USP17L1: variants seen among roughly 807,000 people sequenced by gnomAD.
The protein encoded by USP17L1 is ubiquitin carboxyl-terminal hydrolase 17-like protein 1.
In USP17L1, 42 loss-of-function variants were observed where a neutral mutation model predicts 31.4. The observed-to-expected ratio is 1.34, with a 90% CI of 1.05 to 1.73. The LOEUF is 1.73. Ranked by LOEUF, USP17L1 falls within the 40% of genes most tolerant of loss-of-function variation. The pLI is 0.00. For synonymous variants in USP17L1, 230 were observed against 194.4 expected, an observed-to-expected ratio of 1.18 and a Z score of -1.52; for missense variants, 576 against 495.8, an observed-to-expected ratio of 1.16 and a Z score of -1.54.
Position 7,333,635 on chromosome 8 carries a change from G to T in USP17L1, c.1249G>T (p.Ala417Ser), listed in dbSNP as rs762334105. The change falls in exon 1 of 1, where the codon GCA (alanine) becomes TCA (serine). Residue 417 changes from alanine to serine, a missense_variant. Transcript: ENST00000529559. ...ELKRDHPCLQ[A>S]PELDEHLVER... ...CAAGAGAGACCACCCCTGCCTCCAG[G>T]CACCCGAGTTGGACGAGCACTTGGT... 6.8e-7 allele frequency: 1 copy of T among 1,460,250 alleles called. No homozygotes were observed. The highest frequency in any genetic ancestry group is 1.7e-5 in the Admixed American group (1 of 58,226). 90.5% of individuals were successfully genotyped at this position (1,460,250 alleles called of 1,614,324 possible).
rs1187347024 is a variant in USP17L1, at chr8:7,333,853, C to A, written c.1467C>A (p.Leu489=). 2.0e-6 allele frequency: 3 copies of A among 1,463,616 alleles called. No homozygotes were observed. Among genetic ancestry groups the A allele is most frequent in the Non-Finnish European group, 2.8e-6 (3 of 1,077,584 alleles). 90.7% of individuals were successfully genotyped at this position (1,463,616 alleles called of 1,614,324 possible). The change falls in exon 1 of 1, where the codon CTC becomes CTA. Residue 489 remains leucine, a synonymous_variant. Coordinates refer to ENST00000529559, the MANE Select transcript of USP17L1 (RefSeq NM_001256873.1). The part of the protein sequence containing the change: ...HPEQQSSLLN[L]SSTTRTDQES... ...AACAGCAAAGCTCCCTGCTAAACCT[C>A]TCTTCGACGACCCGGACAGATCAGG...
chr8:7,332,607 G>A lies in USP17L1; in HGVS notation c.221G>A (p.Arg74Lys). Residue 74 changes from arginine (R) to lysine (K), a missense_variant, in exon 1 of 1, where the codon AGA (arginine) becomes AAA (lysine). By Grantham distance (26) the Arg-to-Lys change is conservative. Transcript: ENST00000529559. ...GAGAAGCTTCCTCTGAGTAGCAGGAGACCTGCTGCGGTGGGGGCTGGGCTC... is the reference window on the plus strand; with the variant it reads ...GAGAAGCTTCCTCTGAGTAGCAGGAAACCTGCTGCGGTGGGGGCTGGGCTC... ...PREKLPLSSR[R>K]PAAVGAGLQN... 2 of 488,774 alleles carry A rather than the reference G, an allele frequency of 4.1e-6. No individual in the cohort carries two copies. The highest frequency in any genetic ancestry group is 6.8e-6 in the Non-Finnish European group (2 of 293,788). 30.3% of individuals were successfully genotyped at this position (488,774 alleles called of 1,614,324 possible). A position where few individuals can be genotyped will look rare whatever the true frequency, so the allele number is the denominator to read the frequency against.
At position 7,333,866 on chromosome 8, in the gene USP17L1, C is replaced by A. The variant is rs758104808; in HGVS notation, c.1480C>A (p.Arg494=). 4.8e-6 allele frequency: 7 copies of A among 1,473,660 alleles called. No individual in the cohort carries two copies. Among genetic ancestry groups the A allele is most frequent in the South Asian group, 1.2e-5 (1 of 86,612 alleles). The allele number at this position is 1,473,660 out of a possible 1,614,324, so 91.3% of individuals were successfully genotyped here. A position where few individuals can be genotyped will look rare whatever the true frequency, so the allele number is the denominator to read the frequency against. The change falls in exon 1 of 1, where the codon CGG becomes AGG. Residue 494 remains arginine (R), a synonymous_variant. Transcript: ENST00000529559. ...CCTGCTAAACCTCTCTTCGACGACC[C>A]GGACAGATCAGGAGTCCATGAACAC... The part of the protein sequence containing the change: ...SSLLNLSSTT[R]TDQESMNTGT...
At position 7,333,816 on chromosome 8, in the gene USP17L1, A is replaced by G. The variant is rs1412112916; in HGVS notation, c.1430A>G (p.Asn477Ser). 5.5e-6 allele frequency: 8 copies of G among 1,453,170 alleles called. No individual in the cohort carries two copies. Among genetic ancestry groups the G allele is most frequent in the Admixed American group, 1.8e-5 (1 of 55,972 alleles). The allele number at this position is 1,453,170 out of a possible 1,614,324, so 90.0% of individuals were successfully genotyped here. A position where few individuals can be genotyped will look rare whatever the true frequency, so the allele number is the denominator to read the frequency against. Residue 477 changes from asparagine (N) to serine (S), a missense_variant, in exon 1 of 1, where the codon AAC becomes AGC. Coordinates refer to ENST00000529559, the MANE Select transcript of USP17L1 (RefSeq NM_001256873.1). ...HQSKYKCGMKNHHPEQQSSLL... is the reference protein window; with the variant it reads ...HQSKYKCGMKSHHPEQQSSLL... ...TCAAAATACAAGTGTGGGATGAAAAACCATCATCCTGAACAGCAAAGCTCC... is the reference window on the plus strand; with the variant it reads ...TCAAAATACAAGTGTGGGATGAAAAGCCATCATCCTGAACAGCAAAGCTCC...
rs1804204197 is a variant in USP17L1 at position 7,333,622 on chromosome 8, C to A, written c.1236C>A (p.His412Gln). The change falls in exon 1 of 1, where the codon CAC becomes CAA. Residue 412 changes from histidine (H) to glutamine (Q), a missense_variant. Physicochemically the swap from His to Gln is conservative, Grantham distance 24. Transcript: ENST00000529559. ...RAKQGELKRD[H>Q]PCLQAPELDE... is the part of the protein sequence containing the mutation. ...AGCAAGGAGAGCTCAAGAGAGACCA[C>A]CCCTGCCTCCAGGCACCCGAGTTGG... The A allele has an allele frequency of 6.9e-7, 1 of 1,454,728 alleles. No individual in the cohort carries two copies. The highest frequency in any genetic ancestry group is 1.2e-5 in the South Asian group (1 of 86,854). The allele number at this position is 1,454,728 out of a possible 1,614,324, so 90.1% of individuals were successfully genotyped here. A position where few individuals can be genotyped will look rare whatever the true frequency, so the allele number is the denominator to read the frequency against.
At position 7,332,829 on chromosome 8, in the gene USP17L1, C is replaced by T. The variant is rs1330491752; in HGVS notation, c.443C>T (p.Ala148Val). Reference sequence around the variant, plus strand: ...GGCCATGTCATCCAGCCCTCACAGGCATTGGCTGCTGGCTTCCATAGAGGC... The same window carrying T: ...GGCCATGTCATCCAGCCCTCACAGGTATTGGCTGCTGGCTTCCATAGAGGC... Reference protein sequence around the residue: ...SPGHVIQPSQALAAGFHRGKQ... With the variant: ...SPGHVIQPSQVLAAGFHRGKQ... The change falls in exon 1 of 1, where the codon GCA (alanine) becomes GTA (valine). Residue 148 changes from alanine to valine, a missense_variant. By Grantham distance (64) the Ala-to-Val change is moderately conservative. Transcript: ENST00000529559. 1 of 824,976 alleles carries T rather than the reference C, an allele frequency of 1.2e-6. No individual in the cohort carries two copies. The highest frequency in any genetic ancestry group is 1.4e-5 in the South Asian group (1 of 71,894). The allele number at this position is 824,976 out of a possible 1,614,324, so 51.1% of individuals were successfully genotyped here. A position where few individuals can be genotyped will look rare whatever the true frequency, so the allele number is the denominator to read the frequency against.
In USP17L1 at chr8:7,332,934, T is replaced by A; in HGVS notation, c.548T>A (p.Val183Glu). Residue 183 changes from valine to glutamate, a missense_variant, in exon 1 of 1, where the codon GTA (valine) becomes GAA (glutamate). By Grantham distance (121) the Val-to-Glu change is moderately radical. Transcript: ENST00000529559. The part of the protein sequence containing the change: ...KKACLPGHKQ[V>E]DHHCKDTTLI... ...GCATGCCTTCCCGGCCACAAGCAGG[T>A]AGATCATCACTGCAAGGACACCACC... 6.4e-6 allele frequency: 10 copies of A among 1,559,272 alleles called. No individual in the cohort carries two copies. Among genetic ancestry groups the A allele is most frequent in the Middle Eastern group, 2.3e-4 (1 of 4,334 alleles).
rs528898396 is a variant in USP17L1, at chr8:7,332,806, C to T, written c.420C>T (p.Gly140=). 3.9e-3 allele frequency: 2,650 copies of T among 687,972 alleles called. 640 individuals carry two copies. In the African/African-American group the frequency reaches 0.12, roughly 32 times the overall value. 42.6% of individuals were successfully genotyped at this position (687,972 alleles called of 1,614,324 possible). Residue 140 remains glycine, a synonymous_variant, in exon 1 of 1, where the codon GGC becomes GGT. Coordinates refer to ENST00000529559, the MANE Select transcript of USP17L1 (RefSeq NM_001256873.1). ...TCACATGGGCCCTCCACAGTCCTGG[C>T]CATGTCATCCAGCCCTCACAGGCAT... ...AHITWALHSP[G]HVIQPSQALA...
chr8:7,333,970 G>C lies in USP17L1; in HGVS notation c.1584G>C (p.Val528=), dbSNP rs1308491570. Residue 528 remains valine, a synonymous_variant, in exon 1 of 1, where the codon GTG becomes GTC. Transcript: ENST00000529559. ...KNKHSKRALL[V]CQ ...AACACAGCAAGAGGGCTCTGCTTGT[G>C]TGCCAGTGATCTCAGTGGAAGTGCC... is the stretch of plus-strand genomic sequence containing the variant. 8 of 1,583,308 alleles carry C rather than the reference G, an allele frequency of 5.1e-6. No homozygotes were observed. Among genetic ancestry groups the C allele is most frequent in the Non-Finnish European group, 6.8e-6 (8 of 1,175,338 alleles).
chr8:7,333,291 A>T lies in USP17L1; in HGVS notation c.905A>T (p.Asp302Val), dbSNP rs200139554. ...AATGTGCAATATCCTGAGTGCCTTG[A>T]CATGCAGCCATACATGTCTCAGCAG... Reference protein sequence around the residue: ...AKNVQYPECLDMQPYMSQQNT... With the variant: ...AKNVQYPECLVMQPYMSQQNT... The change falls in exon 1 of 1, where the codon GAC (aspartate) becomes GTC (valine). Residue 302 changes from aspartate (D) to valine (V), a missense_variant. Coordinates refer to ENST00000529559, the MANE Select transcript of USP17L1 (RefSeq NM_001256873.1). The T allele has an allele frequency of 1.2e-3, 1,383 of 1,185,168 alleles. 47 individuals carry two copies. The highest frequency in any genetic ancestry group is 9.9e-4 in the Non-Finnish European group (817 of 826,892). The allele number at this position is 1,185,168 out of a possible 1,614,324, so 73.4% of individuals were successfully genotyped here.
rs1436724536 is a variant in USP17L1 at position 7,333,346 on chromosome 8, T to C, written c.960T>C (p.Tyr320=). ...CAGGACCTCTTGTCTATGTCCTCTATGCTGTGCTGGTCCACGCTGGGTGGA... is the reference window on the plus strand; with the variant it reads ...CAGGACCTCTTGTCTATGTCCTCTACGCTGTGCTGGTCCACGCTGGGTGGA... ...QNTGPLVYVL[Y]AVLVHAGWSC... The change falls in exon 1 of 1, where the codon TAT becomes TAC. Residue 320 remains tyrosine, a synonymous_variant. Transcript: ENST00000529559. 8 of 1,553,370 alleles carry C rather than the reference T, an allele frequency of 5.2e-6. 1 individual carries two copies. Among genetic ancestry groups the C allele is most frequent in the Non-Finnish European group, 6.9e-6 (8 of 1,156,142 alleles).
At position 7,332,762 on chromosome 8, in the gene USP17L1, T is replaced by A. The variant is rs1209699514; in HGVS notation, c.376T>A (p.Cys126Ser). Residue 126 changes from cysteine (C) to serine (S), a missense_variant, in exon 1 of 1, where the codon TGT becomes AGT. Cys to Ser is a moderately radical substitution (Grantham distance 112). Coordinates refer to ENST00000529559, the MANE Select transcript of USP17L1 (RefSeq NM_001256873.1). ...TCAGCGTCCCAAGTGCTGCATGCTC[T>A]GTACTATGCAAGCTCACATCACATG... ...TCQRPKCCML[C>S]TMQAHITWAL... is the part of the protein sequence containing the mutation. 1.6e-6 allele frequency: 1 copy of A among 618,316 alleles called. No individual in the cohort carries two copies. Among genetic ancestry groups the A allele is most frequent in the Admixed American group, 2.5e-5 (1 of 39,636 alleles). 38.3% of individuals were successfully genotyped at this position (618,316 alleles called of 1,614,324 possible).
chr8:7,333,062 G>A lies in USP17L1; in HGVS notation c.676G>A (p.Asp226Asn). The change falls in exon 1 of 1, where the codon GAT becomes AAT. Residue 226 changes from aspartate to asparagine, a missense_variant. Physicochemically the swap from Asp to Asn is conservative, Grantham distance 23. Coordinates refer to ENST00000529559, the MANE Select transcript of USP17L1 (RefSeq NM_001256873.1). The part of the protein sequence containing the change: ...TFDPYLDIAL[D>N]IQAAQSVKQA... ...TGACCCTTACCTGGACATCGCCCTG[G>A]ATATCCAGGCAGCTCAGAGTGTCAA... 1.0e-6 allele frequency: 1 copy of A among 970,204 alleles called. No homozygotes were observed. The highest frequency in any genetic ancestry group is 1.5e-6 in the Non-Finnish European group (1 of 665,234). 60.1% of individuals were successfully genotyped at this position (970,204 alleles called of 1,614,324 possible).
In USP17L1 at chr8:7,332,820, C is replaced by G; in HGVS notation, c.434C>G (p.Pro145Arg). The G allele has an allele frequency of 1.3e-6, 1 of 759,232 alleles. No homozygotes were observed. The allele number at this position is 759,232 out of a possible 1,614,324, so 47.0% of individuals were successfully genotyped here. A position where few individuals can be genotyped will look rare whatever the true frequency, so the allele number is the denominator to read the frequency against. Residue 145 changes from proline (P) to arginine (R), a missense_variant, in exon 1 of 1, where the codon CCC becomes CGC. Physicochemically the swap from Pro to Arg is moderately radical, Grantham distance 103. Coordinates refer to ENST00000529559, the MANE Select transcript of USP17L1 (RefSeq NM_001256873.1). ...ALHSPGHVIQ[P>R]SQALAAGFHR... ...CACAGTCCTGGCCATGTCATCCAGC[C>G]CTCACAGGCATTGGCTGCTGGCTTC...
chr8:7,332,613 C>T lies in USP17L1; in HGVS notation c.227C>T (p.Ala76Val). 1 of 500,672 alleles carries T rather than the reference C, an allele frequency of 2.0e-6. No individual in the cohort carries two copies. The highest frequency in any genetic ancestry group is 3.3e-6 in the Non-Finnish European group (1 of 299,638). 31.0% of individuals were successfully genotyped at this position (500,672 alleles called of 1,614,324 possible). The change falls in exon 1 of 1, where the codon GCT becomes GTT. Residue 76 changes from alanine to valine, a missense_variant. Transcript: ENST00000529559. The part of the protein sequence containing the change: ...EKLPLSSRRP[A>V]AVGAGLQNMG... ...CTTCCTCTGAGTAGCAGGAGACCTG[C>T]TGCGGTGGGGGCTGGGCTCCAGAAT... is the stretch of plus-strand genomic sequence containing the variant.
rs1388496564 is a variant in USP17L1, at chr8:7,333,457, T to C, written c.1071T>C (p.Cys357=). 8.3e-6 allele frequency: 13 copies of C among 1,568,106 alleles called. No individual in the cohort carries two copies. The highest frequency in any genetic ancestry group is 2.0e-5 in the African/African-American group (1 of 48,958). Residue 357 remains cysteine (C), a synonymous_variant, in exon 1 of 1, where the codon TGT becomes TGC. Transcript: ENST00000529559. ...YKMDDAEVTV[C]SIISVLSQQA... ...TGGATGATGCCGAGGTCACTGTCTGTAGCATCATTTCTGTCCTGAGTCAAC... is the reference window on the plus strand; with the variant it reads ...TGGATGATGCCGAGGTCACTGTCTGCAGCATCATTTCTGTCCTGAGTCAAC...
the USP17L1 span, chr8:7,332,929 G>GC: frequency 6.4e-7 from 1 of 1,555,416 alleles, no homozygotes; most frequent in Middle Eastern, 2.3e-4. Context: ...CCGGCCACAA[G>GC]CAGGTAGATC....
Position 7,333,476 on chromosome 8 carries a change from A to T in USP17L1, c.1090A>T (p.Ser364Cys), listed in dbSNP as rs536595318. 2.6e-5 allele frequency: 40 copies of T among 1,563,068 alleles called. 1 individual carries two copies. The South Asian group carries it at 2.8e-4, about 11-fold the overall frequency. ...TGTCTGTAGCATCATTTCTGTCCTGAGTCAACAGGCCTATGTCCTCTTTTA... is the reference window on the plus strand; with the variant it reads ...TGTCTGTAGCATCATTTCTGTCCTGTGTCAACAGGCCTATGTCCTCTTTTA... ...VTVCSIISVL[S>C]QQAYVLFYIQ... Residue 364 changes from serine to cysteine, a missense_variant, in exon 1 of 1, where the codon AGT (serine) becomes TGT (cysteine). Coordinates refer to ENST00000529559, the MANE Select transcript of USP17L1 (RefSeq NM_001256873.1).
chr8:7,333,773 G>A lies in USP17L1; in HGVS notation c.1387G>A (p.Ala463Thr), dbSNP rs573142893. The A allele has an allele frequency of 3.5e-5, 53 of 1,503,650 alleles. 2 individuals are homozygous for A. The highest frequency in any genetic ancestry group is 2.4e-4 in the Middle Eastern group (1 of 4,212). The allele number at this position is 1,503,650 out of a possible 1,614,324, so 93.1% of individuals were successfully genotyped here. A position where few individuals can be genotyped will look rare whatever the true frequency, so the allele number is the denominator to read the frequency against. Residue 463 changes from alanine to threonine, a missense_variant, in exon 1 of 1, where the codon GCA becomes ACA. By Grantham distance (58) the Ala-to-Thr change is moderately conservative (BLOSUM62 0). Coordinates refer to ENST00000529559, the MANE Select transcript of USP17L1 (RefSeq NM_001256873.1). ...GKVEGTLPPNALVIHQSKYKC... is the reference protein window; with the variant it reads ...GKVEGTLPPNTLVIHQSKYKC... ...AGTCGAAGGTACCCTGCCTCCCAAC[G>A]CACTTGTGATTCATCAATCAAAATA...
Sources: allele counts gnomAD v4.1 joint callset, GRCh38; gene constraint gnomAD v4.1.1; transcripts MANE v1.5; gene names NCBI Gene and HGNC (gene_info 2026-07-23, HGNC 2026-07-21).